The following MAB21L3 variants were observed in gnomAD, a reference collection of about 807,000 sequenced individuals.
MAB21L3 encodes mab-21 like 3.
MAB21L3 carries 36 observed loss-of-function variants against 37.7 expected under a neutral mutation model. The observed-to-expected ratio is 0.96, with a 90% CI of 0.73 to 1.26. The LOEUF (loss-of-function observed/expected upper bound fraction) is 1.26. MAB21L3 is among the 50% of genes most tolerant of loss of function. The pLI, the probability that MAB21L3 is intolerant of heterozygous loss-of-function variation, is 0.00. For synonymous variants in MAB21L3, 186 were observed against 176.8 expected (o/e 1.05, Z -0.41); for missense variants, 430 against 447.3 (o/e 0.96, Z 0.35).
In MAB21L3 at chr1:116,128,189, G is replaced by T. The variant is rs764166141; in HGVS notation, c.705G>T (p.Gln235His). ...TGGCCTGTTCAAATTATCACTGGCA[G>T]CTGAGCTTCCTCCGTGCTGAGCAGG... ...NLLACSNYHW[Q>H]LSFLRAEQVL... The change falls in exon 7 of 8, where the codon CAG becomes CAT. Residue 235 changes from glutamine to histidine, a missense_variant. By Grantham distance (24) the Gln-to-His change is conservative. Coordinates refer to ENST00000369500, the MANE Select transcript of MAB21L3 (RefSeq NM_152367.3). 2 of 1,613,718 alleles carry T rather than the reference G, an allele frequency of 1.2e-6. No individual in the cohort carries two copies. The highest frequency in any genetic ancestry group is 1.7e-5 in the Admixed American group (1 of 59,928).
chr1:116,130,785 T>C (rs1028349823), intron 7 of MAB21L3, among the ~76,000 whole-genome samples: 2 of 152,226 alleles, frequency 1.3e-5, no homozygotes, highest in Non-Finnish European at 2.9e-5. Flanking sequence ...CAAAATACAT[T>C]GGCTTGCTTA....
rs1245795231 is a variant in MAB21L3, at chr1:116,112,654, A to C, written c.39A>C (p.Leu13=). ...CTGTGGGAGACTTAGAAGATTGCCT[A>C]CTGAATAAGGTAAGGACAGACCCGG... The part of the protein sequence containing the change: ...YLTVGDLEDC[L]LNKVDLRRQQ... Residue 13 remains leucine (L), a synonymous_variant, in exon 3 of 8, where the codon CTA becomes CTC. Coordinates refer to ENST00000369500, the MANE Select transcript of MAB21L3 (RefSeq NM_152367.3). 24 of 1,613,860 alleles carry C rather than the reference A, an allele frequency of 1.5e-5. No individual in the cohort carries two copies. The highest frequency in any genetic ancestry group is 1.9e-5 in the Non-Finnish European group (23 of 1,179,970).
intron 6 of MAB21L3, among the ~76,000 whole-genome samples, 153 bp downstream of exon 6, chr1:116,127,797 G>A (rs1016557071): frequency 6.6e-6 from 1 of 152,220 alleles, no homozygotes; most frequent in Non-Finnish European, 1.5e-5. Flanking sequence ...AGCGTCACCT[G>A]AGAACTTGTT....
chr1:116,128,024 C>A (rs901687412), intron 6 of MAB21L3, 121 bp from the exon 7 acceptor site: 3 of 1,040,298 alleles, frequency 2.9e-6, no homozygotes, highest in Non-Finnish European at 4.1e-6. Flanking sequence ...CTCATCCCCA[C>A]GTAGGATGTG....
chr1:116,112,812 G>T, intron 3 of MAB21L3, 149 bp downstream of exon 3: 1 of 763,080 alleles, frequency 1.3e-6, no homozygotes, highest in Non-Finnish European at 2.2e-6. Flanking sequence ...CAATGTTTGG[G>T]GGCTTAACAT....
intron 3 of MAB21L3, 56 bp downstream of exon 3, chr1:116,112,719 A>G (rs1172788059): frequency 6.4e-7 from 1 of 1,570,284 alleles, no homozygotes; most frequent in Non-Finnish European, 8.7e-7. Flanking sequence ...ACTACTTCCA[A>G]ACAAACCTTC....
chr1:116,124,356 A>G lies in MAB21L3; in HGVS notation c.480A>G (p.Ser160=), dbSNP rs894265935. The part of the protein sequence containing the change: ...VENAVRTCHL[S]GKVSLLGNRS... ...ATGCAGTTAGAACCTGTCACCTCTC[A>G]GGTGAGCTGATCAGGAACAAGTGCA... The change falls in exon 5 of 8, where the codon TCA becomes TCG. Residue 160 remains serine, a splice_region_variant and synonymous_variant. Transcript: ENST00000369500. 29 of 1,611,002 alleles carry G rather than the reference A, an allele frequency of 1.8e-5. No homozygotes were observed. The highest frequency in any genetic ancestry group is 2.1e-5 in the Non-Finnish European group (25 of 1,179,148).
Position 116,133,699 on chromosome 1 carries a change from G to C in MAB21L3, c.*334G>C. On this transcript the variant is annotated 3_prime_UTR_variant, in exon 8 of 8. Coordinates refer to ENST00000369500, the MANE Select transcript of MAB21L3 (RefSeq NM_152367.3). The stretch of plus-strand genomic sequence containing the variant: ...CTGTGATCGTCTCACAGTGAAGATG[G>C]AGACAGAACCCCTGGAAGTCTGGAC... The C allele has an allele frequency of 2.6e-6, 1 of 378,210 alleles. No homozygotes were observed. Among genetic ancestry groups the C allele is most frequent in the Non-Finnish European group, 4.9e-6 (1 of 203,090 alleles). The allele number at this position is 378,210 out of a possible 1,614,324, so 23.4% of individuals were successfully genotyped here.
chr1:116,130,787 G>A (rs1660048203), intron 7 of MAB21L3, among the ~76,000 whole-genome samples: 11 of 152,168 alleles, frequency 7.2e-5, no homozygotes, highest in Admixed American at 7.2e-4. Context: ...AAATACATTG[G>A]CTTGCTTATA....
chr1:116,127,752 T>G (rs149454164), intron 6 of MAB21L3, 108 bp downstream of exon 6: 3 of 1,214,278 alleles, frequency 2.5e-6, no homozygotes, highest in Non-Finnish European at 3.4e-6. Context: ...GAGGTGTTAC[T>G]AGATCAGCAG....
chr1:116,124,119 G>A lies in MAB21L3; in HGVS notation c.243G>A (p.Gly81=). Reference sequence around the variant, plus strand: ...CAGTCCCAATAAAAGGCCTGGCCGGGTACAGGGAGGCCAGGGAGCAGCACT... The same window carrying A: ...CAGTCCCAATAAAAGGCCTGGCCGGATACAGGGAGGCCAGGGAGCAGCACT... ...LVTVPIKGLA[G]YREAREQHWR... is the part of the protein sequence containing the mutation. The change falls in exon 5 of 8, where the codon GGG becomes GGA. Residue 81 remains glycine, a synonymous_variant. Coordinates refer to ENST00000369500, the MANE Select transcript of MAB21L3 (RefSeq NM_152367.3). 4 of 1,613,958 alleles carry A rather than the reference G, an allele frequency of 2.5e-6. No individual in the cohort carries two copies. Among genetic ancestry groups the A allele is most frequent in the Non-Finnish European group, 3.4e-6 (4 of 1,179,844 alleles).
At chr1:116,117,173 A>G (rs1418147431) in intron 3 of MAB21L3, among the ~76,000 whole-genome samples, 2 of 143,712 alleles carry the variant, frequency 1.4e-5, no homozygotes, top group East Asian at 4.1e-4. Flanking sequence ...ATATATATAT[A>G]TATATATATA....
At chr1:116,119,055 T>A (rs1288408427) in intron 3 of MAB21L3, among the ~76,000 whole-genome samples, 1 of 152,242 alleles carries the variant, frequency 6.6e-6, no homozygotes, top group East Asian at 1.9e-4. Context: ...ATTACTCAAA[T>A]GGAATTGAAT....
chr1:116,115,170 A>G (rs902204456), intron 3 of MAB21L3, among the ~76,000 whole-genome samples: 3 of 152,218 alleles, frequency 2.0e-5, no homozygotes, highest in Non-Finnish European at 4.4e-5. Flanking sequence ...AATGATGGGT[A>G]GGCAGGAATG....
Position 116,137,236 on chromosome 1 carries a change from G to A in MAB21L3, c.*3871G>A, listed in dbSNP as rs1206672963. ...TTCACAACCTACTCATCTGACAAAGGGCTAATATCCAGAATCTACAATGAA... is the reference window on the plus strand; with the variant it reads ...TTCACAACCTACTCATCTGACAAAGAGCTAATATCCAGAATCTACAATGAA... On this transcript the variant is annotated 3_prime_UTR_variant, in exon 8 of 8. Transcript: ENST00000369500. 9.4e-6 allele frequency among the ~76,000 whole-genome samples: 1 copy of A among 106,696 alleles called. No homozygotes were observed. The highest frequency in any genetic ancestry group is 1.6e-5 in the Non-Finnish European group (1 of 60,720). 70.0% of individuals were successfully genotyped at this position (106,696 alleles called of 152,430 possible).
chr1:116,128,126 A>G lies in MAB21L3; in HGVS notation c.661-19A>G, dbSNP rs989307181. The G allele has an allele frequency of 1.2e-6, 2 of 1,601,688 alleles. No individual in the cohort carries two copies. The highest frequency in any genetic ancestry group is 2.7e-5 in the African/African-American group (2 of 74,320). ...AGCATTGTTCTTCTTATTTCCCAATATTTTTCTCTTTCTTCCAGTCGTTTG... is the reference window on the plus strand; with the variant it reads ...AGCATTGTTCTTCTTATTTCCCAATGTTTTTCTCTTTCTTCCAGTCGTTTG... On this transcript the variant is annotated intron_variant, in intron 6 of 7. Transcript: ENST00000369500.
chr1:116,125,932 A>G (rs1268963658), intron 5 of MAB21L3, among the ~76,000 whole-genome samples: 55 of 152,246 alleles, frequency 3.6e-4, no homozygotes, highest in Middle Eastern at 3.4e-3. Context: ...ATGCTGTGCG[A>G]CATTATTCAT....
In MAB21L3 at chr1:116,133,195, G is replaced by A. The variant is rs763470503; in HGVS notation, c.919G>A (p.Ala307Thr). 8.1e-6 allele frequency: 13 copies of A among 1,614,096 alleles called. No individual in the cohort carries two copies. The African/African-American group carries it at 1.3e-4, about 17-fold the overall frequency. ...TAAAGACTGGCAGGTCTTCAGCAAA[G>A]CATTTCTGCGCCTGGTGAGGAAACT... ...HFKDWQVFSKAFLRLVRKLHK... is the reference protein window; with the variant it reads ...HFKDWQVFSKTFLRLVRKLHK... Residue 307 changes from alanine to threonine, a missense_variant, in exon 8 of 8, where the codon GCA becomes ACA. By Grantham distance (58) the Ala-to-Thr change is moderately conservative. Coordinates refer to ENST00000369500, the MANE Select transcript of MAB21L3 (RefSeq NM_152367.3).
At chr1:116,124,972 A>G (rs1659861554) in intron 5 of MAB21L3, among the ~76,000 whole-genome samples, 1 of 151,992 alleles carries the variant, frequency 6.6e-6, no homozygotes, top group Non-Finnish European at 1.5e-5. Flanking sequence ...TAATTTTCTT[A>G]ATTTATAAAT....
Sources: allele counts gnomAD v4.1 joint callset (sites outside exome capture counted in the v4.1 genomes callset), GRCh38; gene constraint gnomAD v4.1.1; transcripts MANE v1.5; gene names NCBI Gene and HGNC (gene_info 2026-07-23, HGNC 2026-07-21).